NRG1: variants seen among roughly 807,000 people sequenced by gnomAD.
The protein encoded by NRG1 is neuregulin 1, also known as pro-neuregulin-1, membrane-bound isoform.
Under a neutral mutation model 63.8 loss-of-function variants are expected in NRG1, and 18 were observed. The observed-to-expected ratio is 0.28, with a 90% CI of 0.19 to 0.42. The LOEUF (loss-of-function observed/expected upper bound fraction) is 0.42. Ranked by LOEUF, NRG1 falls within the 10% of genes least tolerant of loss-of-function variation. NRG1 has a pLI of 1.00. For missense variants in NRG1, 762 were observed against 814.7 expected, an observed-to-expected ratio of 0.94 and a Z score of 0.79; for synonymous variants, 302 against 301.3, an observed-to-expected ratio of 1.00 and a Z score of -0.02.
intron 1 of NRG1, among the ~76,000 whole-genome samples, chr8:31,659,869 T>C (rs1805801136): frequency 6.6e-6 from 1 of 152,180 alleles, no homozygotes; most frequent in African/African-American, 2.4e-5. Context: ...CTTTCTGTCT[T>C]CTCCCTGCTG....
chr8:31,838,895 G>T (rs17604481), intron 1 of NRG1, among the ~76,000 whole-genome samples: 57,637 of 151,978 alleles, frequency 0.38, 11,373 homozygotes, highest in African/African-American at 0.46. Flanking sequence ...TTCTTTCTCT[G>T]ATATAATTGT....
rs189861374 is a variant in NRG1 at position 32,191,776 on chromosome 8, C to T, written c.38-404052C>T. Among the ~76,000 whole-genome samples the T allele has an allele frequency of 1.6e-4, 25 of 152,258 alleles. No individual in the cohort carries two copies. The East Asian group carries it at 4.6e-3, about 28-fold the overall frequency. On this transcript the variant is annotated intron_variant, in intron 1 of 10. Coordinates refer to the NRG1 transcript ENST00000519301. Reference sequence around the variant, plus strand: ...ACACTGCTGCCCATTTTAATGTTGGCCAGCAGCCAGGACAAAGAGCCAAGG... The same window carrying T: ...ACACTGCTGCCCATTTTAATGTTGGTCAGCAGCCAGGACAAAGAGCCAAGG...
At chr8:32,569,233 A>G (rs1459037544) in intron 1 of NRG1, among the ~76,000 whole-genome samples, 1 of 152,076 alleles carries the variant, frequency 6.6e-6, no homozygotes, top group African/African-American at 2.4e-5. Context: ...AATTTTTTGC[A>G]GAGAGGGGTT....
At chr8:31,958,449 T>C (rs1804848112) in intron 1 of NRG1, among the ~76,000 whole-genome samples, 1 of 152,182 alleles carries the variant, frequency 6.6e-6, no homozygotes, top group Non-Finnish European at 1.5e-5. Context: ...TGTGGCTCTG[T>C]TGGCATTTTT....
At chr8:31,868,147 TACACACACACACACACACAC>T (rs1047085862) in intron 1 of NRG1, among the ~76,000 whole-genome samples, 1 of 32,636 alleles carries the variant, frequency 3.1e-5, no homozygotes, top group Non-Finnish European at 7.6e-5. Flanking sequence ...ACATACATCT[TACACACACACACACACACAC>T]ACACACACAC....
chr8:32,177,404 A>T (rs1197398739), intron 1 of NRG1, among the ~76,000 whole-genome samples: 1 of 152,048 alleles, frequency 6.6e-6, no homozygotes, highest in African/African-American at 2.4e-5. Context: ...GGTGCAGCAC[A>T]CCGACATGGC....
intron 1 of NRG1, among the ~76,000 whole-genome samples, chr8:32,512,643 C>T (rs189263221): frequency 6.6e-6 from 1 of 152,116 alleles, no homozygotes; most frequent in Non-Finnish European, 1.5e-5. Context: ...AAATAGGTAA[C>T]TTGTTCAAGT....
intron 1 of NRG1, among the ~76,000 whole-genome samples, chr8:32,571,557 T>A (rs1009711164): frequency 6.6e-6 from 1 of 152,194 alleles, no homozygotes; most frequent in Non-Finnish European, 1.5e-5. Context: ...TAGATTCTTT[T>A]GCCTTCGTAT....
At chr8:32,252,583 T>C (rs1272081497) in intron 1 of NRG1, among the ~76,000 whole-genome samples, 1 of 152,192 alleles carries the variant, frequency 6.6e-6, no homozygotes, top group Non-Finnish European at 1.5e-5. Context: ...TACCATGCTG[T>C]TTGGGTTACT....
intron 1 of NRG1, among the ~76,000 whole-genome samples, chr8:32,053,247 G>T (rs1457594203): frequency 6.6e-6 from 1 of 152,100 alleles, no homozygotes; most frequent in Non-Finnish European, 1.5e-5. Context: ...GTGTGTGAGG[G>T]CTGTGTCCAT....
chr8:32,402,858 G>A (rs543498992), intron 1 of NRG1, among the ~76,000 whole-genome samples: 4 of 152,260 alleles, frequency 2.6e-5, no homozygotes, highest in East Asian at 3.9e-4. Context: ...TACTACCCAC[G>A]GTTTCAGGCA....
upstream of NRG1, among the ~76,000 whole-genome samples, chr8:32,547,587 C>G (rs1212356210): frequency 8.0e-6 from 1 of 124,842 alleles, no homozygotes. Context: ...CAGGCACTTA[C>G]TAAACACACA....
intron 1 of NRG1, among the ~76,000 whole-genome samples, chr8:31,678,548 AC>A (rs1332469351): frequency 6.6e-6 from 1 of 151,742 alleles, no homozygotes; most frequent in African/African-American, 2.4e-5. Flanking sequence ...TTCTTCACTT[AC>A]GCTTTTTCCA....
intron 7 of NRG1, among the ~76,000 whole-genome samples, chr8:32,751,364 A>G (rs1268480039): frequency 2.0e-5 from 3 of 152,108 alleles, no homozygotes; most frequent in Admixed American, 6.6e-5. Flanking sequence ...ACTCTGGGGC[A>G]TTTGTGCTCA....
intron 1 of NRG1, among the ~76,000 whole-genome samples, chr8:31,919,768 C>G (rs1333770898): frequency 6.6e-6 from 1 of 151,928 alleles, no homozygotes; most frequent in Non-Finnish European, 1.5e-5. Context: ...TCTCAAAGAG[C>G]TTATAATTTA....
In NRG1 at chr8:32,278,001, G is replaced by A. The variant is rs1286906707; in HGVS notation, c.38-317827G>A. Among the ~76,000 whole-genome samples, 5 of 152,316 alleles carry A rather than the reference G, an allele frequency of 3.3e-5. No individual in the cohort carries two copies. In the South Asian group the frequency reaches 6.2e-4, roughly 19 times the overall value. ...TTGGCTCCTGGATTCTCCAACATCCGTGCCAAACCTTTCTTATGCAGCACA... is the reference window on the plus strand; with the variant it reads ...TTGGCTCCTGGATTCTCCAACATCCATGCCAAACCTTTCTTATGCAGCACA... On this transcript the variant is annotated intron_variant, in intron 1 of 10. Transcript: ENST00000519301.
chr8:32,260,693 C>G (rs1025111092), intron 1 of NRG1, among the ~76,000 whole-genome samples: 1 of 152,174 alleles, frequency 6.6e-6, no homozygotes, highest in Non-Finnish European at 1.5e-5. Context: ...TAAAGTCATG[C>G]AACAGTTTAG....
chr8:32,170,332 G>A (rs58014438), intron 1 of NRG1, among the ~76,000 whole-genome samples: 18,542 of 152,212 alleles, frequency 0.12, 1,173 homozygotes, highest in East Asian at 0.26. Flanking sequence ...GGCAAGATGC[G>A]TATGCTGATG....
At chr8:32,361,625 A>G (rs1587065920) in intron 1 of NRG1, among the ~76,000 whole-genome samples, 1 of 152,040 alleles carries the variant, frequency 6.6e-6, no homozygotes, top group Non-Finnish European at 1.5e-5. Context: ...TCAGTTTTAC[A>G]TACTTGGGTA....
Sources: allele counts gnomAD v4.1 joint callset (sites outside exome capture counted in the v4.1 genomes callset), GRCh38; gene constraint gnomAD v4.1.1; transcripts MANE v1.5; gene names NCBI Gene and HGNC (gene_info 2026-07-23, HGNC 2026-07-21).